NPAT: variants seen among roughly 807,000 people sequenced by gnomAD.
NPAT encodes the protein protein NPAT.
In NPAT, 52 loss-of-function variants were observed where a neutral mutation model predicts 130.7. The ratio of observed to expected loss-of-function variants is 0.40; its 90% confidence interval spans 0.32 to 0.50. The LOEUF (loss-of-function observed/expected upper bound fraction) is 0.50, where lower values mean the gene tolerates loss of function less well. Ranked by LOEUF, NPAT falls within the 20% of genes least tolerant of loss-of-function variation. The pLI is 0.68. For synonymous variants in NPAT, 580 were observed against 584.8 expected (o/e 0.99, Z 0.12); for missense variants, 1,687 against 1,662.6 (o/e 1.01, Z -0.26).
rs747610386 is a variant in NPAT at position 108,173,598 on chromosome 11, T to G, written c.1386A>C (p.Glu462Asp). The G allele has an allele frequency of 6.2e-7, 1 of 1,614,098 alleles. No individual in the cohort carries two copies. Among genetic ancestry groups the G allele is most frequent in the African/African-American group, 1.3e-5 (1 of 74,940 alleles). Residue 462 changes from glutamate to aspartate, a missense_variant, in exon 13 of 18, where the codon GAA (glutamate) becomes GAC (aspartate). This residue lies in a region of NPAT where 1,379 missense variants were observed against 1,346.6 expected (regional missense o/e 1.02). Transcript: ENST00000278612. ...DFNQRGNSNA[E>D]CNPHCAELYT... Reference sequence around the variant, plus strand: ...ATAATTCAGCACAATGTGGATTACATTCAGCATTAGAATTCCCTCTTTGGT... The same window carrying G: ...ATAATTCAGCACAATGTGGATTACAGTCAGCATTAGAATTCCCTCTTTGGT...
At chr11:108,179,331 A>C (rs185936328) in intron 10 of NPAT, among the ~76,000 whole-genome samples, 4 of 152,142 alleles carry the variant, frequency 2.6e-5, no homozygotes, top group African/African-American at 9.6e-5. Flanking sequence ...GCAATGGCGC[A>C]ATCTCATCTC....
chr11:108,157,983 A>G lies in NPAT; in HGVS notation c.*959T>C, dbSNP rs1482395237. 6.6e-6 allele frequency: 1 copy of G among 152,534 alleles called. No individual in the cohort carries two copies. The highest frequency in any genetic ancestry group is 2.4e-5 in the African/African-American group (1 of 41,458). The allele number at this position is 152,534 out of a possible 1,614,324, so 9.4% of individuals were successfully genotyped here. A position where few individuals can be genotyped will look rare whatever the true frequency, so the allele number is the denominator to read the frequency against. ...TACCCATTGTAGGAGAAACTAAAAT[A>G]TAAAACTATGATTTCTCTTTTTACA... On this transcript the variant is annotated 3_prime_UTR_variant, in exon 18 of 18. Transcript: ENST00000278612.
chr11:108,210,314 C>A (rs1004769918), intron 1 of NPAT, among the ~76,000 whole-genome samples: 1 of 152,110 alleles, frequency 6.6e-6, no homozygotes, highest in Admixed American at 6.5e-5. Flanking sequence ...GAGGTGGGGC[C>A]TGGTGGGAGG....
chr11:108,205,243 C>T (rs1011815819), intron 1 of NPAT, among the ~76,000 whole-genome samples: 1 of 151,988 alleles, frequency 6.6e-6, no homozygotes, highest in Non-Finnish European at 1.5e-5. Flanking sequence ...AAACTGATAG[C>T]AAAAAAAGGT....
intron 15 of NPAT, among the ~76,000 whole-genome samples, chr11:108,165,834 C>T (rs545080141): frequency 1.1e-3 from 162 of 151,858 alleles, no homozygotes; most frequent in African/African-American, 3.5e-3. Flanking sequence ...GGGGTTTCAC[C>T]GTATCAGCCA....
chr11:108,218,930 T>C (rs1480809596), intron 1 of NPAT, among the ~76,000 whole-genome samples: 5 of 152,250 alleles, frequency 3.3e-5, no homozygotes, highest in Non-Finnish European at 5.9e-5. Context: ...AGGAGTGTCA[T>C]AATCAGAGCC....
rs370720604 is a variant in NPAT, at chr11:108,173,479, G to A, written c.1505C>T (p.Pro502Leu). Residue 502 changes from proline to leucine, a missense_variant, in exon 13 of 18, where the codon CCT becomes CTT. This residue lies in a region of NPAT where 1,379 missense variants were observed against 1,346.6 expected (regional missense o/e 1.02). Coordinates refer to ENST00000278612, the MANE Select transcript of NPAT (RefSeq NM_002519.3). ...AGTTATTGGTATATCAGGCTGATCA[G>A]GCTGTAACTGAGATTCACTCGGTAC... ...SNVPSESQLQ[P>L]DQPDIPITSF... The A allele has an allele frequency of 4.0e-5, 65 of 1,614,146 alleles. No homozygotes were observed. The African/African-American group carries it at 8.3e-4, about 21-fold the overall frequency.
intron 5 of NPAT, among the ~76,000 whole-genome samples, chr11:108,189,878 A>C (rs542985124): frequency 3.9e-4 from 59 of 151,566 alleles, no homozygotes; most frequent in Middle Eastern, 6.9e-3. Context: ...TCAAAAAAAA[A>C]AAAAAACAAA....
In NPAT at chr11:108,208,205, G is replaced by A. The variant is rs542072679; in HGVS notation, c.38-10785C>T. Among the ~76,000 whole-genome samples, 49 of 152,216 alleles carry A rather than the reference G, an allele frequency of 3.2e-4. 1 individual carries two copies. The South Asian group carries it at 7.7e-3, about 24-fold the overall frequency. On this transcript the variant is annotated intron_variant, in intron 1 of 17. Coordinates refer to ENST00000278612, the MANE Select transcript of NPAT (RefSeq NM_002519.3). ...TGGTATACAAACAGTTTTGGTTTTG[G>A]AGCATTCTGAATTTTTGCATTAGGG...
intron 15 of NPAT, among the ~76,000 whole-genome samples, chr11:108,165,888 C>T (rs2077898093): frequency 6.6e-6 from 1 of 151,382 alleles, no homozygotes; most frequent in African/African-American, 2.4e-5. Context: ...CTGCCTCGGC[C>T]TCCCAAAGTG....
Position 108,185,276 on chromosome 11 carries a change from G to A in NPAT, c.862C>T (p.Pro288Ser). 1.9e-6 allele frequency: 3 copies of A among 1,612,308 alleles called. No individual in the cohort carries two copies. The highest frequency in any genetic ancestry group is 1.1e-5 in the South Asian group (1 of 90,644). Residue 288 changes from proline (P) to serine (S), a missense_variant, in exon 10 of 18, where the codon CCT becomes TCT. By Grantham distance (74) the Pro-to-Ser change is moderately conservative. Around this residue, in one of 3 missense-constraint regions of NPAT, gnomAD observed 1,379 missense variants for 1,346.6 expected, o/e 1.02. Coordinates refer to ENST00000278612, the MANE Select transcript of NPAT (RefSeq NM_002519.3). The part of the protein sequence containing the change: ...AQVPKQTDNN[P>S]TEPETSIDEF... ...TCAATTGAAGTCTCTGGCTCCGTAG[G>A]GTTGTTATCTGTTTGCTTAGGTACT...
At chr11:108,165,545 C>T (rs1297206742) in intron 15 of NPAT, among the ~76,000 whole-genome samples, 1 of 149,454 alleles carries the variant, frequency 6.7e-6, no homozygotes, top group Non-Finnish European at 1.5e-5. Flanking sequence ...GCCCACTGCA[C>T]TCTCAACCTC....
intron 1 of NPAT, among the ~76,000 whole-genome samples, chr11:108,221,203 A>G (rs2078488526): frequency 6.6e-6 from 1 of 152,184 alleles, no homozygotes; most frequent in Non-Finnish European, 1.5e-5. Flanking sequence ...AGGGTGGGGA[A>G]CGGGTGTCCT....
intron 2 of NPAT, among the ~76,000 whole-genome samples, chr11:108,196,999 C>T (rs1237237903): frequency 6.6e-6 from 1 of 151,780 alleles, no homozygotes; most frequent in East Asian, 1.9e-4. Flanking sequence ...CTAAAAGGAG[C>T]AGCCAGATAC....
Position 108,158,709 on chromosome 11 carries a change from T to C in NPAT, c.*233A>G, listed in dbSNP as rs375994359. 17 of 450,436 alleles carry C rather than the reference T, an allele frequency of 3.8e-5. No homozygotes were observed. The highest frequency in any genetic ancestry group is 2.6e-4 in the African/African-American group (13 of 50,112). The allele number at this position is 450,436 out of a possible 1,614,324, so 27.9% of individuals were successfully genotyped here. A position where few individuals can be genotyped will look rare whatever the true frequency, so the allele number is the denominator to read the frequency against. On this transcript the variant is annotated 3_prime_UTR_variant, in exon 18 of 18. Transcript: ENST00000278612. ...TGTCAAAGCTATACAGTTTTGCAGA[T>C]TGGCTTTACTTACATTTCTGCAAAC... is the stretch of plus-strand genomic sequence containing the variant.
chr11:108,199,110 G>A (rs1009175617), intron 1 of NPAT, among the ~76,000 whole-genome samples: 2 of 152,196 alleles, frequency 1.3e-5, no homozygotes, highest in African/African-American at 4.8e-5. Context: ...TGCCACCTCC[G>A]TTTGCCATGC....
chr11:108,184,037 A>G (rs1315715965), intron 10 of NPAT, among the ~76,000 whole-genome samples: 1 of 152,048 alleles, frequency 6.6e-6, no homozygotes, highest in Non-Finnish European at 1.5e-5. Flanking sequence ...AGACTGTTAT[A>G]TTCCTCCCTT....
intron 1 of NPAT, among the ~76,000 whole-genome samples, chr11:108,218,406 C>T (rs10160256): frequency 0.022 from 3,283 of 152,194 alleles, 119 homozygotes; most frequent in African/African-American, 0.075. Context: ...GTAAAGCACG[C>T]TATGTGAAAA....
intron 10 of NPAT, among the ~76,000 whole-genome samples, chr11:108,181,037 G>A (rs950340100): frequency 6.6e-6 from 1 of 152,194 alleles, no homozygotes; most frequent in African/African-American, 2.4e-5. Flanking sequence ...GATAGGAAAA[G>A]GGGAAATCAG....
Sources: allele counts gnomAD v4.1 joint callset (sites outside exome capture counted in the v4.1 genomes callset), GRCh38; gene constraint gnomAD v4.1.1; regional missense constraint gnomAD v4.1.1; transcripts MANE v1.5; gene names NCBI Gene and HGNC (gene_info 2026-07-23, HGNC 2026-07-21).